Variants in CCDC85C observed in about 807,000 individuals in gnomAD.
CCDC85C encodes the protein coiled-coil domain containing 85C, also known as coiled-coil domain-containing protein 85C.
Under a neutral mutation model 38.3 loss-of-function variants are expected in CCDC85C, and 18 were observed. The observed-to-expected ratio is 0.47, with a 90% CI of 0.33 to 0.70. The LOEUF is 0.70. Among genes scored for constraint, CCDC85C ranks in the 30% least tolerant of loss-of-function variants. The pLI, the probability that CCDC85C is intolerant of heterozygous loss-of-function variation, is 0.03. For synonymous variants in CCDC85C, 264 were observed against 293.8 expected (o/e 0.90, Z 1.04); for missense variants, 566 against 621.2 (o/e 0.91, Z 0.94).
chr14:99,594,934 G>A (rs1005363486), intron 1 of CCDC85C, among the ~76,000 whole-genome samples: 10 of 152,212 alleles, frequency 6.6e-5, no homozygotes, highest in African/African-American at 2.4e-4. Context: ...GTGGGGAGCA[G>A]GGGAAAGATG....
chr14:99,541,087 C>G (rs1047649692), intron 1 of CCDC85C, among the ~76,000 whole-genome samples: 6 of 152,206 alleles, frequency 3.9e-5, no homozygotes, highest in Non-Finnish European at 7.3e-5. Flanking sequence ...GGGCCAGAAG[C>G]CATGTCCCAT....
intron 1 of CCDC85C, among the ~76,000 whole-genome samples, chr14:99,586,454 G>A (rs911668406): frequency 9.9e-5 from 15 of 152,242 alleles, no homozygotes; most frequent in Non-Finnish European, 2.1e-4. Flanking sequence ...ACGGAGGCAC[G>A]TGGTGAGGGG....
In CCDC85C at chr14:99,502,309, C is replaced by A; in HGVS notation, c.*12937G>T. 1 of 1,613,248 alleles carries A rather than the reference C, an allele frequency of 6.2e-7. No individual in the cohort carries two copies. The highest frequency in any genetic ancestry group is 1.1e-5 in the South Asian group (1 of 90,836). On this transcript the variant is annotated 3_prime_UTR_variant, in exon 6 of 6. Transcript: ENST00000380243. The stretch of plus-strand genomic sequence containing the variant: ...GCAAATTTGAAATACAAGAATGGAC[C>A]TCCAAACCCATGTATAGGAGATGGT...
intron 1 of CCDC85C, among the ~76,000 whole-genome samples, chr14:99,587,078 G>A (rs2055035119): frequency 6.6e-6 from 1 of 152,232 alleles, no homozygotes. Context: ...ACCATCCTGA[G>A]GTTCTGGACA....
At chr14:99,527,339 G>A (rs1004790156) in intron 2 of CCDC85C, among the ~76,000 whole-genome samples, 4 of 152,228 alleles carry the variant, frequency 2.6e-5, no homozygotes, top group Non-Finnish European at 5.9e-5. Flanking sequence ...GCCCCCAGAG[G>A]ACAACTCGCA....
At chr14:99,517,014 G>T in intron 4 of CCDC85C, 74 bp downstream of exon 4, 2 of 1,379,178 alleles carry the variant, frequency 1.5e-6, no homozygotes, top group Non-Finnish European at 2.0e-6. Flanking sequence ...GATACCCCTA[G>T]GTGCAAAGGT....
intron 1 of CCDC85C, among the ~76,000 whole-genome samples, chr14:99,539,917 C>T (rs192069896): frequency 7.9e-5 from 12 of 152,138 alleles, no homozygotes; most frequent in African/African-American, 2.9e-4. Context: ...GAGGCCGAGG[C>T]GGGCGGATCA....
rs1160779159 is a variant in CCDC85C at position 99,510,877 on chromosome 14, A to G, written c.*4369T>C. 9.3e-7 allele frequency: 1 copy of G among 1,077,416 alleles called. No homozygotes were observed. The highest frequency in any genetic ancestry group is 1.2e-6 in the Non-Finnish European group (1 of 818,834). The allele number at this position is 1,077,416 out of a possible 1,614,324, so 66.7% of individuals were successfully genotyped here. On this transcript the variant is annotated 3_prime_UTR_variant, in exon 6 of 6. Coordinates refer to ENST00000380243, the MANE Select transcript of CCDC85C (RefSeq NM_001144995.2). ...GGTAAGCAGCAGGGTACCTTGTATA[A>G]TGCACGACAGTTGCAGTATGGGAAG...
chr14:99,503,183 A>AG lies in CCDC85C; in HGVS notation c.*12062dup. ...GGACAGGCTGCCTCTGAGAACCAGG[A>AG]GGGGGCTCTCTGCCCGGCTCCAGCC... On this transcript the variant is annotated 3_prime_UTR_variant, in exon 6 of 6. Transcript: ENST00000380243. The AG allele has an allele frequency of 1.4e-6, 1 of 721,462 alleles. No individual in the cohort carries two copies. The highest frequency in any genetic ancestry group is 1.5e-5 in the South Asian group (1 of 67,176). 44.7% of individuals were successfully genotyped at this position (721,462 alleles called of 1,614,324 possible).
intron 1 of CCDC85C, among the ~76,000 whole-genome samples, chr14:99,602,267 C>G (rs1388815107): frequency 6.6e-6 from 1 of 152,234 alleles, no homozygotes; most frequent in Non-Finnish European, 1.5e-5. Flanking sequence ...CAAGCTCCCA[C>G]AGCCCCAAGC....
At chr14:99,590,461 T>G (rs2139986495) in intron 1 of CCDC85C, among the ~76,000 whole-genome samples, 1 of 152,054 alleles carries the variant, frequency 6.6e-6, no homozygotes, top group East Asian at 1.9e-4. Context: ...GCCTGATGGG[T>G]TGTCGGGGGT....
intron 3 of CCDC85C, among the ~76,000 whole-genome samples, chr14:99,518,371 C>A (rs1193364274): frequency 2.0e-5 from 3 of 151,932 alleles, no homozygotes; most frequent in African/African-American, 7.3e-5. Flanking sequence ...CTCCGGAGGC[C>A]CCCCGAGCCC....
At chr14:99,543,074 C>G (rs1283710583) in intron 1 of CCDC85C, among the ~76,000 whole-genome samples, 1 of 152,198 alleles carries the variant, frequency 6.6e-6, no homozygotes, top group Non-Finnish European at 1.5e-5. Flanking sequence ...AAGGAGTTAT[C>G]GATTTCATCA....
intron 1 of CCDC85C, among the ~76,000 whole-genome samples, chr14:99,540,741 T>G (rs1269012538): frequency 6.6e-6 from 1 of 152,190 alleles, no homozygotes; most frequent in Admixed American, 6.5e-5. Context: ...AACGTTCTTG[T>G]GTCCAGGAGC....
At chr14:99,543,630 G>A (rs888369480) in intron 1 of CCDC85C, among the ~76,000 whole-genome samples, 1 of 152,126 alleles carries the variant, frequency 6.6e-6, no homozygotes. Flanking sequence ...AAGACGAAAG[G>A]CACATAGGAG....
intron 2 of CCDC85C, among the ~76,000 whole-genome samples, chr14:99,527,722 C>T (rs917503096): frequency 6.6e-6 from 1 of 152,218 alleles, no homozygotes; most frequent in Non-Finnish European, 1.5e-5. Flanking sequence ...CTGGAGACCT[C>T]CCTCAAGGAC....
Position 99,510,660 on chromosome 14 carries a change from C to T in CCDC85C, c.*4586G>A. The T allele has an allele frequency of 7.1e-7, 1 of 1,414,442 alleles. No individual in the cohort carries two copies. The highest frequency in any genetic ancestry group is 9.2e-7 in the Non-Finnish European group (1 of 1,085,300). The allele number at this position is 1,414,442 out of a possible 1,614,324, so 87.6% of individuals were successfully genotyped here. On this transcript the variant is annotated 3_prime_UTR_variant, in exon 6 of 6. Coordinates refer to ENST00000380243, the MANE Select transcript of CCDC85C (RefSeq NM_001144995.2). ...TCATCCTCCTCCAGGGTTGGGCCTG[C>T]CGCCAGCCAGCTACCCACCTCCTGC...
intron 2 of CCDC85C, 135 bp from the exon 3 acceptor site, chr14:99,522,375 C>G: frequency 6.6e-6 from 4 of 608,098 alleles, no homozygotes; most frequent in Non-Finnish European, 1.1e-5. Flanking sequence ...CTCCCCTCCA[C>G]ACCGCTTATC....
chr14:99,555,677 C>T (rs1461895033), intron 1 of CCDC85C, among the ~76,000 whole-genome samples: 1 of 152,186 alleles, frequency 6.6e-6, no homozygotes, highest in Non-Finnish European at 1.5e-5. Flanking sequence ...GGTGGAAGGA[C>T]GGGAGAAGTT....
Sources: allele counts gnomAD v4.1 joint callset (sites outside exome capture counted in the v4.1 genomes callset), GRCh38; gene constraint gnomAD v4.1.1; transcripts MANE v1.5; gene names NCBI Gene and HGNC (gene_info 2026-07-23, HGNC 2026-07-21).